FUT8: variants seen among roughly 807,000 people sequenced by gnomAD.
FUT8 encodes fucosyltransferase 8, also known as alpha-(1,6)-fucosyltransferase.
Under a neutral mutation model 71.3 loss-of-function variants are expected in FUT8, and 29 were observed. That is an observed-to-expected ratio of 0.41 (90% CI 0.30 to 0.55). The LOEUF (loss-of-function observed/expected upper bound fraction) is 0.55. Among genes scored for constraint, FUT8 ranks in the 20% least tolerant of loss-of-function variants. The pLI is 0.34. For synonymous variants in FUT8, 254 were observed against 239.3 expected (o/e 1.06, Z -0.57); for missense variants, 544 against 702.1 (o/e 0.77, Z 2.55).
At chr14:65,645,272 C>A (rs1212858656) in intron 6 of FUT8, among the ~76,000 whole-genome samples, 1 of 152,180 alleles carries the variant, frequency 6.6e-6, no homozygotes, top group Non-Finnish European at 1.5e-5. Context: ...ATAAAGCTGA[C>A]AAATGCCACA....
chr14:65,703,013 G>T (rs1407999746), intron 7 of FUT8, among the ~76,000 whole-genome samples: 1 of 152,180 alleles, frequency 6.6e-6, no homozygotes, highest in Non-Finnish European at 1.5e-5. Context: ...CCAAAGTGCT[G>T]GGATTACAGA....
the FUT8 span, among the ~76,000 whole-genome samples, chr14:65,385,453 C>T: frequency 6.6e-6 from 1 of 152,118 alleles, no homozygotes; most frequent in African/African-American, 2.4e-5. Flanking sequence ...ATAGAAAAGG[C>T]TGTGAGATGC....
intron 3 of FUT8, among the ~76,000 whole-genome samples, chr14:65,615,343 G>T (rs552505235): frequency 3.0e-4 from 46 of 152,224 alleles, no homozygotes; most frequent in Admixed American, 1.0e-3. Flanking sequence ...CTGGGCTCAA[G>T]TAATCCTCCT....
chr14:65,457,294 A>T (rs1396886867), intron 2 of FUT8, among the ~76,000 whole-genome samples: 1 of 152,198 alleles, frequency 6.6e-6, no homozygotes, highest in Admixed American at 6.5e-5. Flanking sequence ...TTAAAATGTT[A>T]TTAAAACATA....
intron 5 of FUT8, among the ~76,000 whole-genome samples, chr14:65,623,871 T>G (rs992453965): frequency 6.6e-6 from 1 of 152,204 alleles, no homozygotes. Context: ...GTCTTTAGTA[T>G]GCCCACTTAT....
chr14:65,663,104 G>A (rs1192585015), intron 6 of FUT8, among the ~76,000 whole-genome samples: 2 of 151,964 alleles, frequency 1.3e-5, no homozygotes, highest in Non-Finnish European at 2.9e-5. Context: ...TCTTGCTCAT[G>A]GATATGACAC....
At chr14:65,502,773 A>G (rs1272025005) in intron 2 of FUT8, among the ~76,000 whole-genome samples, 1 of 152,194 alleles carries the variant, frequency 6.6e-6, no homozygotes, top group Non-Finnish European at 1.5e-5. Context: ...TTTTTTACTC[A>G]TTCAAAAATT....
At chr14:65,730,392 G>A (rs532531090) in intron 9 of FUT8, among the ~76,000 whole-genome samples, 6 of 152,302 alleles carry the variant, frequency 3.9e-5, no homozygotes, top group South Asian at 4.1e-4. Flanking sequence ...GATTGAGTCC[G>A]ACCGGACGCA....
chr14:65,480,169 A>C (rs976476005), intron 2 of FUT8, among the ~76,000 whole-genome samples: 1 of 151,994 alleles, frequency 6.6e-6, no homozygotes, highest in African/African-American at 2.4e-5. Context: ...ATCTGGCCCT[A>C]ATTAGGAGCT....
chr14:65,656,510 A>T (rs572003083), intron 6 of FUT8, among the ~76,000 whole-genome samples: 1 of 152,238 alleles, frequency 6.6e-6, no homozygotes, highest in Non-Finnish European at 1.5e-5. Flanking sequence ...AAGATATTCT[A>T]TGTTCATGGA....
intron 7 of FUT8, among the ~76,000 whole-genome samples, chr14:65,700,623 TCTC>T (rs1761121632): frequency 6.6e-6 from 1 of 152,048 alleles, no homozygotes; most frequent in African/African-American, 2.4e-5. Context: ...ATGGTCTCGA[TCTC>T]CTGACCTCGT....
At chr14:65,584,116 C>T (rs938078922) in intron 3 of FUT8, among the ~76,000 whole-genome samples, 4 of 151,602 alleles carry the variant, frequency 2.6e-5, no homozygotes, top group African/African-American at 4.8e-5. Flanking sequence ...CCTTGTGATC[C>T]GCCCGCCTCT....
At chr14:65,655,210 A>G (rs1380966672) in intron 6 of FUT8, among the ~76,000 whole-genome samples, 2 of 151,890 alleles carry the variant, frequency 1.3e-5, no homozygotes, top group Non-Finnish European at 2.9e-5. Flanking sequence ...ACGGTTGCTC[A>G]CGCCTGTAAT....
chr14:65,726,403 C>G (rs1210020779), intron 9 of FUT8, among the ~76,000 whole-genome samples: 1 of 152,174 alleles, frequency 6.6e-6, no homozygotes, highest in East Asian at 1.9e-4. Context: ...GTTTAATAGA[C>G]TTACAGTTCC....
chr14:65,377,161 C>T, the FUT8 span, among the ~76,000 whole-genome samples: 1 of 152,134 alleles, frequency 6.6e-6, no homozygotes, highest in South Asian at 2.1e-4. Flanking sequence ...ATAGAGGACA[C>T]CCTGACAATT....
intron 9 of FUT8, among the ~76,000 whole-genome samples, chr14:65,725,637 T>TG (rs1895645323): frequency 1.3e-5 from 2 of 152,228 alleles, no homozygotes; most frequent in Non-Finnish European, 2.9e-5. Flanking sequence ...GTTTAGCACT[T>TG]GCTTACTTCT....
intron 6 of FUT8, among the ~76,000 whole-genome samples, chr14:65,649,597 C>A (rs913441036): frequency 1.1e-4 from 17 of 152,138 alleles, no homozygotes; most frequent in Non-Finnish European, 2.1e-4. Context: ...TAAAGCTGAA[C>A]TCTAAGGAAA....
chr14:65,512,709 C>G (rs904253073), intron 2 of FUT8, among the ~76,000 whole-genome samples: 26 of 151,836 alleles, frequency 1.7e-4, no homozygotes, highest in African/African-American at 5.3e-4. Flanking sequence ...AAGAGTTCAA[C>G]AGCAGCCTGG....
intron 3 of FUT8, among the ~76,000 whole-genome samples, chr14:65,566,501 T>C (rs1478306744): frequency 1.3e-5 from 2 of 151,962 alleles, no homozygotes; most frequent in Non-Finnish European, 2.9e-5. Flanking sequence ...ACCCGATTGA[T>C]AGATAATAGA....
Sources: gnomAD v4.1 joint callset for allele counts (sites outside exome capture counted in the v4.1 genomes callset) on GRCh38, gnomAD v4.1.1 for gene constraint, MANE v1.5 for transcripts, NCBI Gene and HGNC (gene_info 2026-07-23, HGNC 2026-07-21) for gene names.